Variants in ZNF577 observed in about 807,000 individuals in gnomAD.
ZNF577 encodes zinc finger protein 577.
Under a neutral mutation model 13.9 loss-of-function variants are expected in ZNF577, and 14 were observed. The ratio of observed to expected loss-of-function variants is 1.00; its 90% CI spans 0.66 to 1.57. The LOEUF (loss-of-function observed/expected upper bound fraction) is 1.57. ZNF577 is among the 40% of genes most tolerant of loss of function. The probability of loss-of-function intolerance (pLI) is 0.00; values close to 1 mark genes in which losing one functional copy is unlikely to be tolerated. For synonymous variants in ZNF577, 203 were observed against 202.9 expected (o/e 1.00, Z 0.00); for missense variants, 555 against 579.2 (o/e 0.96, Z 0.43).
At position 51,868,655 on chromosome 19, in the gene ZNF577, GACT is replaced by G; in HGVS notation, c.*3874_*3876del. Among the ~76,000 whole-genome samples, 1 of 152,186 alleles carries G rather than the reference GACT, an allele frequency of 6.6e-6. No homozygotes were observed. Among genetic ancestry groups the G allele is most frequent in the East Asian group, 1.9e-4 (1 of 5,196 alleles). On this transcript the variant is annotated 3_prime_UTR_variant, in exon 6 of 6. Coordinates refer to ENST00000638348, the MANE Select transcript of ZNF577 (RefSeq NM_001370449.1). The stretch of plus-strand genomic sequence containing the variant: ...CCCAGCAAGCACCGGCTAAGGTTCT[GACT>G]ACTACCGTCTTCAACTGCCTTGAAC...
At chr19:51,863,524 T>G (rs577089073), downstream of ZNF577, among the ~76,000 whole-genome samples, 12 of 152,310 alleles carry the variant, frequency 7.9e-5, no homozygotes, top group African/African-American at 2.9e-4. Context: ...ACACTTGGGT[T>G]TTAGGGTAGA....
chr19:51,884,354 T>C (rs2084909853), intron 1 of ZNF577, among the ~76,000 whole-genome samples: 1 of 152,184 alleles, frequency 6.6e-6, no homozygotes, highest in South Asian at 2.1e-4. Flanking sequence ...GCATGAAGCC[T>C]TGGATTTGCT....
intron 5 of ZNF577, among the ~76,000 whole-genome samples, chr19:51,857,403 AAAGAAAGAAAG>A (rs1170137846): frequency 8.0e-6 from 1 of 124,548 alleles, no homozygotes; most frequent in Non-Finnish European, 1.6e-5. Flanking sequence ...AGAAAGAAAG[AAAGAAAGAAAG>A]AAAGAAAGAA....
chr19:51,873,976 C>T (rs2084711799), intron 5 of ZNF577, among the ~76,000 whole-genome samples: 1 of 152,082 alleles, frequency 6.6e-6, no homozygotes, highest in Non-Finnish European at 1.5e-5. Context: ...TTTTGGCTGG[C>T]TTTTATAAGA....
At chr19:51,808,650 G>A (rs995864545) in intron 10 of ZNF577, among the ~76,000 whole-genome samples, 1 of 152,160 alleles carries the variant, frequency 6.6e-6, no homozygotes. Context: ...CTCGTGTAAG[G>A]GTGTAGTAAA....
chr19:51,835,779 G>GC (rs2084284734), intron 9 of ZNF577, among the ~76,000 whole-genome samples: 1 of 151,892 alleles, frequency 6.6e-6, no homozygotes, highest in Admixed American at 6.6e-5. Flanking sequence ...TGCAACCTCC[G>GC]CCTCCCTGGT....
chr19:51,855,116 T>C (rs1288141543), intron 5 of ZNF577, among the ~76,000 whole-genome samples: 3 of 152,204 alleles, frequency 2.0e-5, no homozygotes, highest in Non-Finnish European at 2.9e-5. Flanking sequence ...CTTTTCTGAT[T>C]GTGTGTCACA....
At chr19:51,854,790 A>C (rs1447924254) in intron 5 of ZNF577, among the ~76,000 whole-genome samples, 3 of 152,178 alleles carry the variant, frequency 2.0e-5, no homozygotes, top group Non-Finnish European at 2.9e-5. Flanking sequence ...GCTGGAAAGT[A>C]TACCATATGT....
At chr19:51,848,930 TTAGA>T in intron 5 of ZNF577, among the ~76,000 whole-genome samples, 1 of 151,884 alleles carries the variant, frequency 6.6e-6, no homozygotes, top group Admixed American at 6.5e-5. Context: ...TATATTGCCT[TTAGA>T]TAATGAGCTG....
chr19:51,881,629 C>T (rs535589967), intron 1 of ZNF577, among the ~76,000 whole-genome samples: 2 of 152,142 alleles, frequency 1.3e-5, no homozygotes, highest in Non-Finnish European at 2.9e-5. Context: ...AACAGCCTTA[C>T]AGTGCAAATT....
chr19:51,845,488 T>A (rs2084346473), intron 5 of ZNF577, among the ~76,000 whole-genome samples: 1 of 150,268 alleles, frequency 6.7e-6, no homozygotes, highest in African/African-American at 2.5e-5. Flanking sequence ...AAACTCTGCC[T>A]CAAAAAAAAA....
At chr19:51,810,676 C>T (rs932302967) in intron 10 of ZNF577, among the ~76,000 whole-genome samples, 2 of 152,190 alleles carry the variant, frequency 1.3e-5, no homozygotes, top group African/African-American at 4.8e-5. Flanking sequence ...CACTAGTGGA[C>T]AAGCAAGTTC....
intron 8 of ZNF577, chr19:51,840,662 A>C (rs560884763): frequency 2.6e-5 from 4 of 152,336 alleles, no homozygotes; most frequent in Admixed American, 2.6e-4. Flanking sequence ...CATGTGAAAT[A>C]GATGTAAAAG....
intron 6 of ZNF577, among the ~76,000 whole-genome samples, chr19:51,844,104 T>C (rs1386587453): frequency 1.3e-5 from 2 of 151,208 alleles, no homozygotes; most frequent in Non-Finnish European, 2.9e-5. Context: ...AATTGCATTT[T>C]GGAAATTGTG....
intron 3 of ZNF577, 138 bp from the exon 4 acceptor site, chr19:51,878,653 G>T: frequency 9.4e-7 from 1 of 1,069,426 alleles, no homozygotes; most frequent in South Asian, 1.8e-5. Context: ...AAGGACCATG[G>T]AATTCCACCA....
intron 2 of ZNF577, 28 bp downstream of exon 2, chr19:51,880,651 A>G: frequency 2.1e-6 from 1 of 481,700 alleles, no homozygotes; most frequent in Non-Finnish European, 3.7e-6. Flanking sequence ...TGGGAAACAA[A>G]CGACAAAATA....
At chr19:51,806,545 T>A (rs1396453215) in intron 10 of ZNF577, among the ~76,000 whole-genome samples, 2 of 152,230 alleles carry the variant, frequency 1.3e-5, no homozygotes, top group African/African-American at 2.4e-5. Context: ...CTTTTTGTCT[T>A]TTCAACATTC....
chr19:51,854,241 A>G (rs1273380657), intron 5 of ZNF577, among the ~76,000 whole-genome samples: 3 of 152,160 alleles, frequency 2.0e-5, no homozygotes, highest in Non-Finnish European at 2.9e-5. Context: ...TCTGATAATA[A>G]CCATTCTGCA....
intron 9 of ZNF577, among the ~76,000 whole-genome samples, chr19:51,815,510 A>C (rs989866097): frequency 5.9e-5 from 9 of 151,456 alleles, no homozygotes; most frequent in African/African-American, 2.2e-4. Flanking sequence ...TGGAGGTTGC[A>C]GTGAGCCAAG....
Sources: allele counts gnomAD v4.1 joint callset (sites outside exome capture counted in the v4.1 genomes callset), GRCh38; gene constraint gnomAD v4.1.1; transcripts MANE v1.5; gene names NCBI Gene and HGNC (gene_info 2026-07-23, HGNC 2026-07-21).